PRPF18: variants seen among roughly 807,000 people sequenced by gnomAD.
The protein encoded by PRPF18 is pre-mRNA-splicing factor 18.
Under a neutral mutation model 46.5 loss-of-function variants are expected in PRPF18, and 38 were observed. That is an observed-to-expected ratio of 0.82 (90% CI 0.63 to 1.07). The LOEUF is 1.07. Among genes scored for constraint, PRPF18 ranks in the 50% least tolerant of loss-of-function variants. PRPF18 has a pLI of 0.00. For synonymous variants in PRPF18, 152 were observed against 146.7 expected, an observed-to-expected ratio of 1.04 and a Z score of -0.26; for missense variants, 263 against 410.0, an observed-to-expected ratio of 0.64 and a Z score of 3.10.
chr10:13,636,042 C>T, the PRPF18 span, among the ~76,000 whole-genome samples: 1 of 152,106 alleles, frequency 6.6e-6, no homozygotes, highest in Non-Finnish European at 1.5e-5. Flanking sequence ...GTATGTATAG[C>T]TGATCACCTT....
chr10:13,646,159 T>C, the PRPF18 span: 1 of 152,420 alleles, frequency 6.6e-6, no homozygotes, highest in Non-Finnish European at 1.5e-5. Flanking sequence ...TTTTTCAGGC[T>C]CTCTACGGAG....
At chr10:13,644,931 C>T in the PRPF18 span, 4 of 152,228 alleles carry the variant, frequency 2.6e-5, no homozygotes, top group African/African-American at 4.8e-5. Context: ...ACACTTAAAG[C>T]GTTCTGGGAA....
Position 13,616,425 on chromosome 10 carries a change from A to G in PRPF18, c.820A>G (p.Ile274Val). 1 of 1,611,656 alleles carries G rather than the reference A, an allele frequency of 6.2e-7. No homozygotes were observed. The highest frequency in any genetic ancestry group is 8.5e-7 in the Non-Finnish European group (1 of 1,178,580). Residue 274 changes from isoleucine to valine, a missense_variant, in exon 9 of 10, where the codon ATT (isoleucine) becomes GTT (valine). Transcript: ENST00000378572. ...KANDAYLQMA[I>V]GNAPWPIGVT... ...AAATGATGCTTATCTTCAGATGGCCATTGGAAATGCGCCTTGGCCCATCGG... is the reference window on the plus strand; with the variant it reads ...AAATGATGCTTATCTTCAGATGGCCGTTGGAAATGCGCCTTGGCCCATCGG...
the PRPF18 span, chr10:13,642,496 G>A: frequency 1.3e-5 from 2 of 152,178 alleles, no homozygotes; most frequent in African/African-American, 4.8e-5. Flanking sequence ...TGTTCACTTT[G>A]TGTTCTCTAA....
the PRPF18 span, chr10:13,646,277 T>C: frequency 2.0e-5 from 3 of 152,812 alleles, no homozygotes; most frequent in East Asian, 5.8e-4. Context: ...GAAATTTCCT[T>C]GCAGAAAGAA....
At chr10:13,625,580 C>T (rs1236889388) in intron 9 of PRPF18, among the ~76,000 whole-genome samples, 2 of 152,068 alleles carry the variant, frequency 1.3e-5, no homozygotes, top group African/African-American at 4.8e-5. Context: ...TGTAAGAAAA[C>T]GTCCCAGACC....
the PRPF18 span, chr10:13,652,156 A>G: frequency 1.6e-6 from 1 of 611,836 alleles, no homozygotes; most frequent in Non-Finnish European, 2.9e-6. Flanking sequence ...ATTGAGTCAA[A>G]ATACCTAGTT....
chr10:13,629,187 A>T (rs146122427), intron 9 of PRPF18, among the ~76,000 whole-genome samples: 17 of 152,300 alleles, frequency 1.1e-4, no homozygotes, highest in African/African-American at 3.8e-4. Context: ...ATTTTGTGAG[A>T]TCGGTGGGAA....
the PRPF18 span, chr10:13,654,219 A>T: frequency 4.9e-6 from 3 of 606,388 alleles, no homozygotes; most frequent in Non-Finnish European, 8.8e-6. Flanking sequence ...CAGACAATTC[A>T]CCTCTATAAA....
rs1315719838 is a variant in PRPF18 at position 13,622,415 on chromosome 10, A to G, written c.948+5862A>G. Among the ~76,000 whole-genome samples, 4 of 152,300 alleles carry G rather than the reference A, an allele frequency of 2.6e-5. No individual in the cohort carries two copies. In the East Asian group the frequency reaches 7.7e-4, roughly 29 times the overall value. The stretch of plus-strand genomic sequence containing the variant: ...AGGGCATTTTACTGTAGAGTATTAC[A>G]TCTTACATTTCTCAACCACACGGTT... On this transcript the variant is annotated intron_variant, in intron 9 of 9. Transcript: ENST00000378572.
chr10:13,624,654 T>C (rs1175995012), intron 9 of PRPF18, among the ~76,000 whole-genome samples: 1 of 152,150 alleles, frequency 6.6e-6, no homozygotes, highest in Non-Finnish European at 1.5e-5. Context: ...TATTGACAAA[T>C]GAGACCTTTA....
chr10:13,614,091 A>G lies in PRPF18; in HGVS notation c.792+5A>G. The G allele has an allele frequency of 6.4e-7, 1 of 1,557,022 alleles. No homozygotes were observed. Among genetic ancestry groups the G allele is most frequent in the Non-Finnish European group, 8.8e-7 (1 of 1,142,244 alleles). On this transcript the variant is annotated splice_donor_5th_base_variant and intron_variant, in intron 8 of 9. Coordinates refer to ENST00000378572, the MANE Select transcript of PRPF18 (RefSeq NM_003675.4). ...TTGCAGAGAGAATACGTGAAGGTAC[A>G]TTCCCATGCTGTTCTTTGAAATTGT... is the stretch of plus-strand genomic sequence containing the variant.
chr10:13,622,028 T>C (rs1439397037), intron 9 of PRPF18, among the ~76,000 whole-genome samples: 1 of 152,222 alleles, frequency 6.6e-6, no homozygotes, highest in African/African-American at 2.4e-5. Flanking sequence ...TGATCACAGC[T>C]TGATCTGTAT....
chr10:13,591,921 A>G lies in PRPF18; in HGVS notation c.66+4769A>G, dbSNP rs781748876. 6.6e-6 allele frequency: 9 copies of G among 1,360,160 alleles called. No individual in the cohort carries two copies. The East Asian group carries it at 2.3e-4, about 35-fold the overall frequency. 84.3% of individuals were successfully genotyped at this position (1,360,160 alleles called of 1,614,324 possible). A position where few individuals can be genotyped will look rare whatever the true frequency, so the allele number is the denominator to read the frequency against. ...TGGTTCGCAGTTTTCTCACGTGTCA[A>G]CTGAGGGTTTTTTTTTTTTTTTGCC... On this transcript the variant is annotated intron_variant, in intron 1 of 9. Transcript: ENST00000378572.
chr10:13,621,946 C>A (rs1213625597), intron 9 of PRPF18, among the ~76,000 whole-genome samples: 3 of 152,184 alleles, frequency 2.0e-5, no homozygotes, highest in Non-Finnish European at 4.4e-5. Flanking sequence ...GTCCATGGAA[C>A]ATTTGTGAGT....
chr10:13,653,087 A>T, the PRPF18 span: 1 of 152,190 alleles, frequency 6.6e-6, no homozygotes, highest in Non-Finnish European at 1.5e-5. Flanking sequence ...GATGATGAGG[A>T]TTGTATGAGC....
the PRPF18 span, chr10:13,647,624 A>T: frequency 4.6e-5 from 7 of 152,034 alleles, no homozygotes; most frequent in Non-Finnish European, 7.4e-5. Context: ...TTAAAAGTTT[A>T]AAAAAAATCA....
intron 4 of PRPF18, 146 bp downstream of exon 4, chr10:13,605,890 GA>G: frequency 1.7e-6 from 2 of 1,189,440 alleles, no homozygotes; most frequent in Non-Finnish European, 2.2e-6. Flanking sequence ...TTAATTTTTT[GA>G]AAAGCTCATA....
At chr10:13,637,519 C>T in the PRPF18 span, among the ~76,000 whole-genome samples, 2 of 152,002 alleles carry the variant, frequency 1.3e-5, no homozygotes, top group African/African-American at 4.8e-5. Flanking sequence ...TCCATTTTTC[C>T]CCTACTGAAT....
Sources: gnomAD v4.1 joint callset for allele counts (sites outside exome capture counted in the v4.1 genomes callset) on GRCh38, gnomAD v4.1.1 for gene constraint, MANE v1.5 for transcripts, NCBI Gene and HGNC (gene_info 2026-07-23, HGNC 2026-07-21) for gene names.